CDH12: variants seen among roughly 807,000 people sequenced by gnomAD.
CDH12 encodes the protein cadherin-12.
Under a neutral mutation model 74.1 loss-of-function variants are expected in CDH12, and 41 were observed. That is an observed-to-expected ratio of 0.55 (90% CI 0.43 to 0.72). The LOEUF is 0.72. Among genes scored for constraint, CDH12 ranks in the 30% least tolerant of loss-of-function variants. The pLI, the probability that CDH12 is intolerant of heterozygous loss-of-function variation, is 0.00. For missense variants in CDH12, 945 were observed against 977.2 expected, an observed-to-expected ratio of 0.97 and a Z score of 0.44; for synonymous variants, 399 against 355.0, an observed-to-expected ratio of 1.12 and a Z score of -1.39.
chr5:22,525,078 C>A (rs530267711), intron 1 of CDH12, among the ~76,000 whole-genome samples: 1 of 151,298 alleles, frequency 6.6e-6, no homozygotes. Flanking sequence ...TTTGTCCTTG[C>A]GATAGTTTGC....
chr5:22,846,695 G>C (rs1418425658), intron 1 of CDH12, among the ~76,000 whole-genome samples: 4 of 152,134 alleles, frequency 2.6e-5, no homozygotes, highest in Non-Finnish European at 5.9e-5. Context: ...AGACAGGTCT[G>C]TGCTTTTGTG....
At chr5:22,189,989 G>A (rs1172314095) in intron 4 of CDH12, among the ~76,000 whole-genome samples, 2 of 151,840 alleles carry the variant, frequency 1.3e-5, no homozygotes, top group Admixed American at 6.6e-5. Flanking sequence ...TCTCAGTTAG[G>A]CACAGATGCT....
intron 7 of CDH12, among the ~76,000 whole-genome samples, chr5:21,848,591 A>C (rs1482123136): frequency 6.6e-6 from 1 of 151,970 alleles, no homozygotes; most frequent in Non-Finnish European, 1.5e-5. Context: ...TATTTATTCA[A>C]ATGTTATGTT....
intron 1 of CDH12, among the ~76,000 whole-genome samples, chr5:22,587,742 T>C (rs1561510903): frequency 6.6e-6 from 1 of 152,048 alleles, no homozygotes; most frequent in Non-Finnish European, 1.5e-5. Context: ...CCATTTTCTG[T>C]TGAGACCCCG....
At chr5:22,262,359 A>T (rs1049114765) in intron 3 of CDH12, among the ~76,000 whole-genome samples, 2 of 149,656 alleles carry the variant, frequency 1.3e-5, no homozygotes, top group African/African-American at 4.9e-5. Flanking sequence ...ATGAGTGAGA[A>T]TATGAGGTGT....
chr5:22,778,952 A>G (rs1747247830), intron 1 of CDH12, among the ~76,000 whole-genome samples: 1 of 152,174 alleles, frequency 6.6e-6, no homozygotes, highest in African/African-American at 2.4e-5. Flanking sequence ...TATACAAGGA[A>G]TATATCTACC....
chr5:22,801,843 G>A (rs147967340), intron 1 of CDH12, among the ~76,000 whole-genome samples: 1 of 151,100 alleles, frequency 6.6e-6, no homozygotes, highest in African/African-American at 2.4e-5. Context: ...CTTTAATTCA[G>A]TTTGCTTGGG....
intron 4 of CDH12, among the ~76,000 whole-genome samples, chr5:22,206,778 G>A (rs1308684414): frequency 2.0e-5 from 3 of 148,248 alleles, no homozygotes; most frequent in African/African-American, 7.5e-5. Context: ...TACACTGGTA[G>A]TTGATAACTT....
At chr5:21,752,334 G>T in intron 14 of CDH12, 98 bp from the exon 15 acceptor site, 1 of 972,952 alleles carries the variant, frequency 1.0e-6, no homozygotes, top group Non-Finnish European at 1.5e-6. Context: ...GCTGAGTTTC[G>T]TGAATGACCT....
Position 22,599,003 on chromosome 5 carries a change from G to A in CDH12, c.-522-93639C>T, listed in dbSNP as rs184559859. On this transcript the variant is annotated intron_variant, in intron 1 of 14. Coordinates refer to ENST00000382254, the MANE Select transcript of CDH12 (RefSeq NM_004061.5). ...CTGCATGCTGGATCTGTTTGCAGCCGTATTGCATGCCTTATTAGCTCTCAC... is the reference window on the plus strand; with the variant it reads ...CTGCATGCTGGATCTGTTTGCAGCCATATTGCATGCCTTATTAGCTCTCAC... Among the ~76,000 whole-genome samples the A allele has an allele frequency of 5.2e-4, 79 of 152,234 alleles. 1 individual carries two copies. Among genetic ancestry groups the A allele is most frequent in the African/African-American group, 1.7e-3 (69 of 41,528 alleles).
intron 4 of CDH12, among the ~76,000 whole-genome samples, chr5:22,086,211 A>G (rs184173416): frequency 1.3e-5 from 2 of 152,256 alleles, no homozygotes; most frequent in African/African-American, 4.8e-5. Flanking sequence ...ATTATTACTC[A>G]ATGATCTTAA....
At chr5:22,520,355 T>C (rs1736999444) in intron 1 of CDH12, among the ~76,000 whole-genome samples, 1 of 152,116 alleles carries the variant, frequency 6.6e-6, no homozygotes, top group Non-Finnish European at 1.5e-5. Flanking sequence ...GATGAACAAG[T>C]ATAGATAAAT....
chr5:21,865,714 G>A (rs1300792407), intron 6 of CDH12, among the ~76,000 whole-genome samples: 3 of 152,066 alleles, frequency 2.0e-5, no homozygotes, highest in African/African-American at 7.2e-5. Flanking sequence ...AGAGTGAGTG[G>A]GCTGTAAGAT....
At chr5:22,584,704 T>C (rs1250623514) in intron 1 of CDH12, among the ~76,000 whole-genome samples, 1 of 152,172 alleles carries the variant, frequency 6.6e-6, no homozygotes, top group Non-Finnish European at 1.5e-5. Flanking sequence ...TCCTTCTTTT[T>C]ATGTTCTGAT....
chr5:22,437,016 C>T lies in CDH12; in HGVS notation c.-427-31665G>A, dbSNP rs554605603. 3.9e-4 allele frequency among the ~76,000 whole-genome samples: 60 copies of T among 151,920 alleles called. 2 individuals carry two copies. Among genetic ancestry groups the T allele is most frequent in the South Asian group, 2.3e-3 (11 of 4,790 alleles). ...TTAATTTAATCTATAAATTAACATG[C>T]CTTTTATACCTTTTAATTATAATTT... On this transcript the variant is annotated intron_variant, in intron 2 of 14. Transcript: ENST00000382254.
chr5:22,814,459 T>C (rs554671624), intron 1 of CDH12, among the ~76,000 whole-genome samples: 21 of 152,254 alleles, frequency 1.4e-4, no homozygotes, highest in African/African-American at 4.8e-4. Context: ...ATCCTCTGCT[T>C]TGAATGGATA....
chr5:22,542,017 A>T (rs1321814854), intron 1 of CDH12, among the ~76,000 whole-genome samples: 1 of 152,190 alleles, frequency 6.6e-6, no homozygotes, highest in Non-Finnish European at 1.5e-5. Flanking sequence ...TATTGCTCTT[A>T]TGTTGCTTTT....
At chr5:22,180,380 T>C (rs1011802527) in intron 4 of CDH12, among the ~76,000 whole-genome samples, 5 of 152,190 alleles carry the variant, frequency 3.3e-5, no homozygotes, top group South Asian at 4.1e-4. Context: ...AAGTCTACAG[T>C]GGCTTAATTT....
At chr5:22,099,093 A>G (rs913288100) in intron 4 of CDH12, among the ~76,000 whole-genome samples, 1 of 152,192 alleles carries the variant, frequency 6.6e-6, no homozygotes, top group South Asian at 2.1e-4. Context: ...CCCAAGTCAG[A>G]AAACTAAAAT....
Sources: allele counts gnomAD v4.1 joint callset (sites outside exome capture counted in the v4.1 genomes callset), GRCh38; gene constraint gnomAD v4.1.1; transcripts MANE v1.5; gene names NCBI Gene and HGNC (gene_info 2026-07-23, HGNC 2026-07-21).